Variants in PRRC2B observed in about 807,000 individuals in gnomAD.
The protein encoded by PRRC2B is protein PRRC2B.
In PRRC2B, 68 loss-of-function variants were observed where a neutral mutation model predicts 242.3. That is an observed-to-expected ratio of 0.28 (90% CI 0.23 to 0.34). The LOEUF is 0.34. Among genes scored for constraint, PRRC2B ranks in the 10% least tolerant of loss-of-function variants. The probability of loss-of-function intolerance (pLI) is 1.00; values close to 1 mark genes in which losing one functional copy is unlikely to be tolerated. For missense variants in PRRC2B, 2,835 were observed against 2,954.8 expected (o/e 0.96, Z 0.94); for synonymous variants, 1,228 against 1,173.6 (o/e 1.05, Z -0.95).
Position 131,439,031 on chromosome 9 carries a change from C to G in PRRC2B, c.439C>G (p.Leu147Val). Residue 147 changes from leucine to valine, a missense_variant, in exon 5 of 32, where the codon CTG (leucine) becomes GTG (valine). Physicochemically the swap from Leu to Val is conservative, Grantham distance 32. Around this residue, in one of 7 missense-constraint regions of PRRC2B, gnomAD observed 626 missense variants for 685.5 expected, o/e 0.91. Transcript: ENST00000683519. ...VPGGPKSWAQ[L>V]NGKPVGHEGG... is the part of the protein sequence containing the mutation. ...AGGTGGACCAAAGTCATGGGCACAGCTGAATGGAAAGCCAGTAGGACACGA... is the reference window on the plus strand; with the variant it reads ...AGGTGGACCAAAGTCATGGGCACAGGTGAATGGAAAGCCAGTAGGACACGA... The G allele has an allele frequency of 6.2e-7, 1 of 1,613,682 alleles. No individual in the cohort carries two copies. Among genetic ancestry groups the G allele is most frequent in the Non-Finnish European group, 8.5e-7 (1 of 1,179,746 alleles).
chr9:131,478,005 C>A, intron 17 of PRRC2B, 56 bp downstream of exon 17: 1 of 1,514,114 alleles, frequency 6.6e-7, no homozygotes, highest in East Asian at 2.3e-5. Flanking sequence ...AGGGGCCATG[C>A]AGTCCTCGGG....
At chr9:131,423,275 G>C (rs778183403) in intron 1 of PRRC2B, among the ~76,000 whole-genome samples, 1 of 152,210 alleles carries the variant, frequency 6.6e-6, no homozygotes, top group Non-Finnish European at 1.5e-5. Flanking sequence ...AAATGCCTCA[G>C]ACCCGCTGGA....
intron 23 of PRRC2B, among the ~76,000 whole-genome samples, chr9:131,484,270 G>A (rs1040102078): frequency 9.2e-5 from 14 of 152,178 alleles, no homozygotes; most frequent in African/African-American, 3.4e-4. Context: ...CAGGTGGCAG[G>A]TGCCTTCTGA....
intron 1 of PRRC2B, among the ~76,000 whole-genome samples, chr9:131,402,851 G>A (rs1837260693): frequency 6.6e-6 from 1 of 152,194 alleles, no homozygotes; most frequent in African/African-American, 2.4e-5. Flanking sequence ...AGAGAGTGCC[G>A]AGGCCCTTTG....
rs1588288077 is a variant in PRRC2B, at chr9:131,497,936, A to G, written c.*2062A>G. 2 of 152,198 alleles carry G rather than the reference A, an allele frequency of 1.3e-5. No individual in the cohort carries two copies. The highest frequency in any genetic ancestry group is 4.8e-5 in the African/African-American group (2 of 41,416). 9.4% of individuals were successfully genotyped at this position (152,198 alleles called of 1,614,324 possible). On this transcript the variant is annotated 3_prime_UTR_variant, in exon 32 of 32. Coordinates refer to ENST00000683519, the MANE Select transcript of PRRC2B (RefSeq NM_013318.4). The stretch of plus-strand genomic sequence containing the variant: ...CTGTCCCCACCGGCCCTCCTTGCCA[A>G]GCCATTCCTGGGTGAGTTCAGGCCT...
chr9:131,474,661 G>A lies in PRRC2B; in HGVS notation c.2532G>A (p.Gly844=). The A allele has an allele frequency of 6.2e-7, 1 of 1,613,660 alleles. No homozygotes were observed. Among genetic ancestry groups the A allele is most frequent in the Non-Finnish European group, 8.5e-7 (1 of 1,179,780 alleles). Residue 844 remains glycine, a synonymous_variant, in exon 16 of 32, where the codon GGG becomes GGA. Transcript: ENST00000683519. ...QENVQDAGAP[G]GHTQNLRCSP... The stretch of plus-strand genomic sequence containing the variant: ...ATGTTCAGGATGCAGGTGCTCCTGG[G>A]GGTCACACCCAAAACCTCAGGTGTT...
At chr9:131,464,097 A>G (rs1943323316) in intron 11 of PRRC2B, among the ~76,000 whole-genome samples, 1 of 151,856 alleles carries the variant, frequency 6.6e-6, no homozygotes, top group Admixed American at 6.6e-5. Flanking sequence ...GCACTCCGCC[A>G]TGCCCAGCTA....
At chr9:131,464,633 G>A in intron 11 of PRRC2B, 130 bp from the exon 12 acceptor site, 1 of 814,034 alleles carries the variant, frequency 1.2e-6, no homozygotes, top group Non-Finnish European at 1.9e-6. Context: ...AGCTCTGTCT[G>A]CCACACGCCT....
Position 131,482,618 on chromosome 9 carries a change from CTCA to C in PRRC2B, c.5175+62_5175+64del. 2 of 1,533,410 alleles carry C rather than the reference CTCA, an allele frequency of 1.3e-6. No individual in the cohort carries two copies. Among genetic ancestry groups the C allele is most frequent in the South Asian group, 2.5e-5 (2 of 80,254 alleles). 95.0% of individuals were successfully genotyped at this position (1,533,410 alleles called of 1,614,324 possible). On this transcript the variant is annotated intron_variant, in intron 21 of 31. Transcript: ENST00000683519. This position sits in a 1 kb window ranked among gnomAD's most constrained non-coding sequence, Gnocchi z 5.2. ...GGGCCTGGGTGGAAGGGGCCATCGT[CTCA>C]TCATCTTCCTCAATTCCTGGGACAG...
chr9:131,453,571 G>A (rs188176097), intron 9 of PRRC2B, among the ~76,000 whole-genome samples: 142 of 152,104 alleles, frequency 9.3e-4, no homozygotes, highest in Non-Finnish European at 1.0e-3. Flanking sequence ...TTGCTCTGTT[G>A]CCCAAGCTGG....
intron 9 of PRRC2B, among the ~76,000 whole-genome samples, chr9:131,453,200 G>C (rs963739548): frequency 6.6e-6 from 1 of 151,936 alleles, no homozygotes; most frequent in African/African-American, 2.4e-5. Context: ...AGTCTGTTTT[G>C]TCCTGTGTTC....
At chr9:131,447,537 G>C (rs1838842708) in intron 8 of PRRC2B, 125 bp from the exon 9 acceptor site, 1 of 1,025,282 alleles carries the variant, frequency 9.8e-7, no homozygotes, top group Non-Finnish European at 1.4e-6. Context: ...TTCTTTTAAA[G>C]GAACTGATAG....
chr9:131,484,650 G>T (rs759286164), intron 23 of PRRC2B, 36 bp from the exon 24 acceptor site: 2 of 1,544,550 alleles, frequency 1.3e-6, no homozygotes, highest in Non-Finnish European at 1.8e-6. Flanking sequence ...CTCTGCACCT[G>T]TTTGTGTTCC....
chr9:131,450,504 A>G (rs1942878788), intron 9 of PRRC2B, among the ~76,000 whole-genome samples: 2 of 148,766 alleles, frequency 1.3e-5, no homozygotes, highest in South Asian at 2.1e-4. Flanking sequence ...TGACCTTGTG[A>G]TCTGCCCACC....
At chr9:131,396,269 T>A (rs1054236566) in intron 1 of PRRC2B, among the ~76,000 whole-genome samples, 60 of 151,254 alleles carry the variant, frequency 4.0e-4, no homozygotes, top group African/African-American at 1.4e-3. Context: ...CCTCTCTCCC[T>A]CCCTCCCTTT....
chr9:131,440,655 A>G (rs529014953), intron 5 of PRRC2B, among the ~76,000 whole-genome samples: 1 of 152,342 alleles, frequency 6.6e-6, no homozygotes, highest in East Asian at 1.9e-4. Context: ...ATAGCAAAAG[A>G]TTGCAAACAG....
chr9:131,373,845 G>C (rs1427418877), intron 1 of PRRC2B: 1 of 152,286 alleles, frequency 6.6e-6, no homozygotes, highest in Non-Finnish European at 1.5e-5. Context: ...GGATCACAAG[G>C]TCAGGAGATC....
intron 1 of PRRC2B, among the ~76,000 whole-genome samples, chr9:131,375,434 A>G (rs935373106): frequency 6.6e-6 from 1 of 152,054 alleles, no homozygotes; most frequent in African/African-American, 2.4e-5. Context: ...TAAGGGCATT[A>G]ACAGTAGCTG....
At chr9:131,402,962 C>G (rs1174074967) in intron 1 of PRRC2B, among the ~76,000 whole-genome samples, 1 of 152,212 alleles carries the variant, frequency 6.6e-6, no homozygotes, top group Non-Finnish European at 1.5e-5. Context: ...AACTTCCCGA[C>G]ACGCTTCAGG....
Sources: allele counts gnomAD v4.1 joint callset (sites outside exome capture counted in the v4.1 genomes callset), GRCh38; gene constraint gnomAD v4.1.1; regional missense constraint gnomAD v4.1.1; non-coding constraint Gnocchi (gnomAD v3.1); transcripts MANE v1.5; gene names NCBI Gene and HGNC (gene_info 2026-07-23, HGNC 2026-07-21).